The following KATNAL2 variants were observed in gnomAD, a reference collection of about 807,000 sequenced individuals.
KATNAL2 encodes katanin catalytic subunit A1 like 2, also known as katanin p60 ATPase-containing subunit A-like 2.
A neutral mutation model predicts 76.3 loss-of-function variants in KATNAL2; 52 were observed. The observed-to-expected ratio is 0.68, with a 90% confidence interval of 0.55 to 0.86. The LOEUF (loss-of-function observed/expected upper bound fraction) is 0.86, where lower values mean the gene tolerates loss of function less well. Among genes scored for constraint, KATNAL2 ranks in the 40% least tolerant of loss-of-function variants. The probability of loss-of-function intolerance (pLI) is 0.00; values close to 1 mark genes in which losing one functional copy is unlikely to be tolerated. For missense variants in KATNAL2, 660 were observed against 668.9 expected (o/e 0.99, Z 0.15); for synonymous variants, 243 against 244.2 (o/e 1.00, Z 0.05).
chr18:47,086,924 T>C (rs1397264941), intron 15 of KATNAL2, among the ~76,000 whole-genome samples: 1 of 152,208 alleles, frequency 6.6e-6, no homozygotes, highest in Non-Finnish European at 1.5e-5. Context: ...ATTCTGGCAT[T>C]ACCTTTTCTT....
intron 3 of KATNAL2, 121 bp downstream of exon 3, chr18:46,947,044 G>T (rs1219637803): frequency 4.1e-6 from 3 of 735,562 alleles, no homozygotes; most frequent in Non-Finnish European, 7.1e-6. Context: ...AAGCGCAAAC[G>T]CAGTGAGAGG....
intron 3 of KATNAL2, among the ~76,000 whole-genome samples, chr18:47,045,858 CTG>C (rs1355637751): frequency 6.6e-6 from 1 of 152,222 alleles, no homozygotes; most frequent in Non-Finnish European, 1.5e-5. Context: ...CACATTAACA[CTG>C]TGAATAAGTG....
chr18:46,941,019 G>A (rs1658434370), intron 1 of KATNAL2, among the ~76,000 whole-genome samples: 1 of 152,060 alleles, frequency 6.6e-6, no homozygotes, highest in African/African-American at 2.4e-5. Flanking sequence ...GCAAGACCTT[G>A]TCTCCAAAAA....
intron 2 of KATNAL2, 48 bp downstream of exon 2, chr18:46,946,594 C>G: frequency 1.0e-6 from 1 of 982,538 alleles, no homozygotes; most frequent in Non-Finnish European, 1.2e-6. Flanking sequence ...ATTAAGAAAA[C>G]CAAAACAATT....
At chr18:47,046,066 C>T (rs16949623) in intron 3 of KATNAL2, among the ~76,000 whole-genome samples, 10,329 of 152,278 alleles carry the variant, frequency 0.068, 477 homozygotes, top group African/African-American at 0.14. Flanking sequence ...AGGTAAGTGC[C>T]TGTGTTGTCA....
rs372494802 is a variant in KATNAL2 at position 47,034,686 on chromosome 18, G to T, written c.52-11771G>T. The stretch of plus-strand genomic sequence containing the variant: ...GAGCCGCGTGAGTGTGGCCTCTTCC[G>T]GGTTGCTTCCCGGGCGCAGCGGGCT... On this transcript the variant is annotated intron_variant, in intron 3 of 17. Coordinates refer to ENST00000683218, the MANE Select transcript of KATNAL2 (RefSeq NM_001387690.1). The T allele has an allele frequency of 2.3e-5, 37 of 1,613,304 alleles. No individual in the cohort carries two copies. In the East Asian group the frequency reaches 6.5e-4, roughly 28 times the overall value.
intron 3 of KATNAL2, among the ~76,000 whole-genome samples, chr18:47,037,743 A>G (rs981193660): frequency 6.6e-6 from 1 of 152,140 alleles, no homozygotes; most frequent in Non-Finnish European, 1.5e-5. Flanking sequence ...CTCTTACTGA[A>G]TTCTGAATTT....
At chr18:46,954,640 T>C (rs540395538) in intron 3 of KATNAL2, among the ~76,000 whole-genome samples, 1 of 151,828 alleles carries the variant, frequency 6.6e-6, no homozygotes, top group South Asian at 2.1e-4. Flanking sequence ...CTTCTTTTGT[T>C]TTTTGGGTTT....
At chr18:46,955,923 A>G in intron 3 of KATNAL2, among the ~76,000 whole-genome samples, 1 of 152,210 alleles carries the variant, frequency 6.6e-6, no homozygotes, top group East Asian at 1.9e-4. Context: ...GATAAGTGAT[A>G]TCAAGAACAC....
At chr18:47,044,029 A>C (rs1202292804) in intron 3 of KATNAL2, among the ~76,000 whole-genome samples, 1 of 152,204 alleles carries the variant, frequency 6.6e-6, no homozygotes, top group Non-Finnish European at 1.5e-5. Context: ...ATCATGAAAC[A>C]ATGATATATT....
rs56394933 is a variant in KATNAL2 at position 47,087,715 on chromosome 18, T to C, written c.1211+10254T>C. ...TGAATAGTCCCCTGTAACTATACCATGGAAAATGATGTAAGTCTCTCCAAA... is the reference window on the plus strand; with the variant it reads ...TGAATAGTCCCCTGTAACTATACCACGGAAAATGATGTAAGTCTCTCCAAA... On this transcript the variant is annotated intron_variant, in intron 15 of 17. Transcript: ENST00000683218. Among the ~76,000 whole-genome samples the C allele has an allele frequency of 5.5e-3, 836 of 152,088 alleles. 9 individuals carry two copies. Among genetic ancestry groups the C allele is most frequent in the African/African-American group, 0.019 (802 of 41,484 alleles).
chr18:47,075,233 T>C (rs768650957), intron 13 of KATNAL2, 44 bp from the exon 14 acceptor site: 28 of 1,485,302 alleles, frequency 1.9e-5, no homozygotes, highest in Admixed American at 5.1e-5. Flanking sequence ...CTGAGGACTT[T>C]AAGTCTATAA....
At chr18:47,065,003 C>T (rs143324952) in intron 10 of KATNAL2, among the ~76,000 whole-genome samples, 94 of 152,130 alleles carry the variant, frequency 6.2e-4, no homozygotes, top group African/African-American at 2.1e-3. Context: ...CCTTGTGTGC[C>T]GAGATTTCAC....
At chr18:46,961,849 C>T (rs1255418401) in intron 3 of KATNAL2, among the ~76,000 whole-genome samples, 1 of 152,054 alleles carries the variant, frequency 6.6e-6, no homozygotes, top group African/African-American at 2.4e-5. Context: ...CCAGTTTTGT[C>T]AGTGATTATT....
intron 3 of KATNAL2, among the ~76,000 whole-genome samples, chr18:46,952,463 G>A (rs552233719): frequency 1.4e-5 from 2 of 142,820 alleles, no homozygotes; most frequent in East Asian, 4.1e-4. Flanking sequence ...GCAATGGTGC[G>A]ATGTCAGCTC....
At chr18:47,059,437 A>G in intron 7 of KATNAL2, 119 bp from the exon 8 acceptor site, 1 of 718,666 alleles carries the variant, frequency 1.4e-6, no homozygotes, top group Non-Finnish European at 2.5e-6. Flanking sequence ...CTACATGTGC[A>G]TGTCGCGTTC....
At position 46,957,553 on chromosome 18, in the gene KATNAL2, CTTT is replaced by C. The variant is rs67089810; in HGVS notation, c.51+10654_51+10656del. 6.1e-3 allele frequency among the ~76,000 whole-genome samples: 370 copies of C among 60,518 alleles called. 22 individuals carry two copies. Among genetic ancestry groups the C allele is most frequent in the African/African-American group, 0.023 (343 of 15,092 alleles). The allele number at this position is 60,518 out of a possible 152,430, so 39.7% of individuals were successfully genotyped here. ...ACAGGCGTGAACCACCGCGCCTGGC[CTTT>C]TTTTTTTTTTTTTTTTTTTTTTTGA... On this transcript the variant is annotated intron_variant, in intron 3 of 17. Coordinates refer to ENST00000683218, the MANE Select transcript of KATNAL2 (RefSeq NM_001387690.1).
chr18:46,963,048 GA>G, intron 3 of KATNAL2: 1 of 873,962 alleles, frequency 1.1e-6, no homozygotes, highest in Non-Finnish European at 1.5e-6. Flanking sequence ...CTTGGCCACA[GA>G]GTTGAAACAG....
At chr18:47,079,063 G>A (rs527474177) in intron 15 of KATNAL2, among the ~76,000 whole-genome samples, 2 of 152,140 alleles carry the variant, frequency 1.3e-5, no homozygotes, top group African/African-American at 2.4e-5. Flanking sequence ...CCATCTCCCC[G>A]TTTTAATAAC....
Sources: allele counts gnomAD v4.1 joint callset (sites outside exome capture counted in the v4.1 genomes callset), GRCh38; gene constraint gnomAD v4.1.1; transcripts MANE v1.5; gene names NCBI Gene and HGNC (gene_info 2026-07-23, HGNC 2026-07-21).